The following NUBPL variants were observed in gnomAD, a reference collection of about 807,000 sequenced individuals.
The protein encoded by NUBPL is iron-sulfur cluster transfer protein NUBPL.
NUBPL carries 31 observed loss-of-function variants against 45.7 expected under a neutral mutation model. The ratio of observed to expected loss-of-function variants is 0.68; its 90% confidence interval spans 0.51 to 0.92. NUBPL has a LOEUF of 0.92. NUBPL is among the 40% of genes least tolerant of loss of function. The pLI, the probability that NUBPL is intolerant of heterozygous loss-of-function variation, is 0.00. For synonymous variants in NUBPL, 144 were observed against 140.9 expected, an observed-to-expected ratio of 1.02 and a Z score of -0.15; for missense variants, 401 against 398.7, an observed-to-expected ratio of 1.01 and a Z score of -0.05.
intron 7 of NUBPL, among the ~76,000 whole-genome samples, chr14:31,788,112 A>T (rs2039316667): frequency 6.6e-6 from 1 of 152,236 alleles, no homozygotes; most frequent in Non-Finnish European, 1.5e-5. Context: ...TGTTCTTGGG[A>T]GAAAGAATTT....
rs879411311 is a variant in NUBPL at position 31,729,720 on chromosome 14, G to T, written c.513+56146G>T. ...ATATTAAGTTGGTGTAAAAGTAATT[G>T]AAGTTTTTGCCATTTTTTTAAAATG... On this transcript the variant is annotated intron_variant, in intron 6 of 10. Transcript: ENST00000281081. 6.6e-4 allele frequency among the ~76,000 whole-genome samples: 101 copies of T among 152,144 alleles called. 1 individual carries two copies. Among genetic ancestry groups the T allele is most frequent in the African/African-American group, 2.1e-3 (88 of 41,506 alleles).
intron 6 of NUBPL, among the ~76,000 whole-genome samples, chr14:31,761,052 A>G (rs2038797118): frequency 6.6e-6 from 1 of 152,172 alleles, no homozygotes. Flanking sequence ...GTTTGTTACC[A>G]AGATATTTGA....
At chr14:31,623,748 C>T (rs555798990) in intron 4 of NUBPL, among the ~76,000 whole-genome samples, 29 of 152,050 alleles carry the variant, frequency 1.9e-4, no homozygotes, top group East Asian at 5.8e-4. Context: ...AGTATGAAAA[C>T]GGACTAATAC....
chr14:31,673,509 G>C lies in NUBPL; in HGVS notation c.448G>C (p.Glu150Gln). The C allele has an allele frequency of 6.2e-7, 1 of 1,613,908 alleles. No individual in the cohort carries two copies. Among genetic ancestry groups the C allele is most frequent in the Non-Finnish European group, 8.5e-7 (1 of 1,179,888 alleles). ...ACMSMGFLVEESEPVVWRGLM... is the reference protein window; with the variant it reads ...ACMSMGFLVEQSEPVVWRGLM... ...TATGTCTATGGGCTTTCTGGTTGAA[G>C]AAAGTGAACCAGTAGTTTGGAGAGG... The change falls in exon 6 of 11, where the codon GAA (glutamate) becomes CAA (glutamine). Residue 150 changes from glutamate to glutamine, a missense_variant. Physicochemically the swap from Glu to Gln is conservative, Grantham distance 29. Coordinates refer to ENST00000281081, the MANE Select transcript of NUBPL (RefSeq NM_025152.3).
Position 31,841,922 on chromosome 14 carries a change from T to TTTTTTTTTTTTG in NUBPL, c.694-4538_694-4537insGTTTTTTTTTTT, listed in dbSNP as rs2040378443. ...ATGTATGGGTCGATTCTGGGCTTTT[T>TTTTTTTTTTTTG]TTTTTTTTTTTTTTTTTTTTTTTTT... On this transcript the variant is annotated intron_variant, in intron 8 of 10. Transcript: ENST00000281081. Among the ~76,000 whole-genome samples the TTTTTTTTTTTTG allele has an allele frequency of 1.8e-4, 8 of 43,252 alleles. 1 individual carries two copies. The highest frequency in any genetic ancestry group is 6.0e-4 in the African/African-American group (8 of 13,432). 28.4% of individuals were successfully genotyped at this position (43,252 alleles called of 152,430 possible).
At chr14:31,800,961 G>C (rs2039576711) in intron 7 of NUBPL, 1 of 152,142 alleles carries the variant, frequency 6.6e-6, no homozygotes, top group Non-Finnish European at 1.5e-5. Flanking sequence ...AGTTACAAAG[G>C]AGTGAGCAGC....
rs143945305 is a variant in NUBPL at position 31,604,675 on chromosome 14, G to A, written c.382+5296G>A. 6.1e-3 allele frequency among the ~76,000 whole-genome samples: 928 copies of A among 152,238 alleles called. 9 individuals are homozygous for A. Among genetic ancestry groups the A allele is most frequent in the African/African-American group, 0.021 (867 of 41,540 alleles). On this transcript the variant is annotated intron_variant, in intron 4 of 10. Coordinates refer to ENST00000281081, the MANE Select transcript of NUBPL (RefSeq NM_025152.3). ...ATATGTTAGGGTTGGCAGATCATAC[G>A]TTTATCCACATTCTCTTCATACCTT... is the stretch of plus-strand genomic sequence containing the variant.
At chr14:31,611,018 A>T (rs1347593094) in intron 4 of NUBPL, among the ~76,000 whole-genome samples, 2 of 152,226 alleles carry the variant, frequency 1.3e-5, no homozygotes, top group Non-Finnish European at 2.9e-5. Flanking sequence ...AATATCTGGA[A>T]CATGACAAGG....
intron 4 of NUBPL, among the ~76,000 whole-genome samples, chr14:31,640,209 T>C (rs1170545852): frequency 2.6e-5 from 4 of 152,174 alleles, no homozygotes; most frequent in Non-Finnish European, 2.9e-5. Context: ...CCAGAGCTGT[T>C]CCTATTCGGC....
At chr14:31,802,423 G>A (rs1292885627) in intron 7 of NUBPL, among the ~76,000 whole-genome samples, 7 of 151,842 alleles carry the variant, frequency 4.6e-5, no homozygotes, top group African/African-American at 7.3e-5. Context: ...CTACAGGCGC[G>A]TGCCACCATG....
At chr14:31,778,994 G>A (rs1405406423) in intron 6 of NUBPL, among the ~76,000 whole-genome samples, 1 of 152,170 alleles carries the variant, frequency 6.6e-6, no homozygotes, top group Non-Finnish European at 1.5e-5. Flanking sequence ...GGTAAGTAAA[G>A]TGGCAGGATT....
intron 6 of NUBPL, among the ~76,000 whole-genome samples, chr14:31,676,318 C>T (rs1481045026): frequency 2.6e-5 from 4 of 151,722 alleles, no homozygotes; most frequent in Non-Finnish European, 4.4e-5. Flanking sequence ...CCACTGCAAC[C>T]GTCCAGGATG....
chr14:31,852,555 C>A (rs1331222479), intron 10 of NUBPL, among the ~76,000 whole-genome samples: 2 of 152,096 alleles, frequency 1.3e-5, no homozygotes, highest in Admixed American at 6.6e-5. Flanking sequence ...CCTCTAATCC[C>A]GGCTACTTGG....
intron 4 of NUBPL, among the ~76,000 whole-genome samples, chr14:31,605,759 C>T (rs564822250): frequency 1.3e-5 from 2 of 150,444 alleles, no homozygotes; most frequent in African/African-American, 4.9e-5. Flanking sequence ...TTCCTTCCTC[C>T]TTCTCCTTCT....
intron 6 of NUBPL, among the ~76,000 whole-genome samples, chr14:31,770,306 G>T (rs749517354): frequency 6.6e-6 from 1 of 152,092 alleles, no homozygotes; most frequent in Admixed American, 6.5e-5. Flanking sequence ...ACATAGTTTG[G>T]CAGGCAGGGT....
chr14:31,787,198 G>C (rs576626608), intron 6 of NUBPL, among the ~76,000 whole-genome samples: 2 of 152,282 alleles, frequency 1.3e-5, no homozygotes, highest in South Asian at 4.2e-4. Flanking sequence ...GTACCCTTGA[G>C]ACCTATCTAA....
rs112008976 is a variant in NUBPL at position 31,603,479 on chromosome 14, A to C, written c.382+4100A>C. 3.9e-4 allele frequency among the ~76,000 whole-genome samples: 59 copies of C among 152,172 alleles called. 1 individual carries two copies. The highest frequency in any genetic ancestry group is 1.3e-3 in the African/African-American group (52 of 41,532). On this transcript the variant is annotated intron_variant, in intron 4 of 10. Coordinates refer to ENST00000281081, the MANE Select transcript of NUBPL (RefSeq NM_025152.3). ...GGCTTTTTATTTTCCATTGTTCTAG[A>C]GAAAATGACTATATTTACTCCTGTA...
intron 4 of NUBPL, among the ~76,000 whole-genome samples, chr14:31,607,838 CA>C (rs2034643580): frequency 6.6e-6 from 1 of 152,026 alleles, no homozygotes; most frequent in African/African-American, 2.4e-5. Flanking sequence ...AGGATAATAA[CA>C]GATCACTTCC....
chr14:31,717,186 G>A (rs2037709341), intron 6 of NUBPL, among the ~76,000 whole-genome samples: 2 of 152,108 alleles, frequency 1.3e-5, no homozygotes, highest in East Asian at 3.9e-4. Flanking sequence ...TGTTCCAGCT[G>A]TCTTAAGCAG....
Sources: gnomAD v4.1 joint callset for allele counts (sites outside exome capture counted in the v4.1 genomes callset) on GRCh38, gnomAD v4.1.1 for gene constraint, MANE v1.5 for transcripts, NCBI Gene and HGNC (gene_info 2026-07-23, HGNC 2026-07-21) for gene names.